The following ARHGEF3 variants were observed in gnomAD, a reference collection of about 807,000 sequenced individuals.
The protein encoded by ARHGEF3 is Rho guanine nucleotide exchange factor 3.
In ARHGEF3, 28 loss-of-function variants were observed where a neutral mutation model predicts 63.2. The ratio of observed to expected loss-of-function variants is 0.44; its 90% confidence interval spans 0.33 to 0.61. The LOEUF (loss-of-function observed/expected upper bound fraction) is 0.61. Among genes scored for constraint, ARHGEF3 ranks in the 20% least tolerant of loss-of-function variants. The pLI is 0.03. For missense variants in ARHGEF3, 533 were observed against 659.3 expected (o/e 0.81, Z 2.10); for synonymous variants, 266 against 254.2 (o/e 1.05, Z -0.44).
At chr3:56,730,747 G>A (rs1256318106) in intron 9 of ARHGEF3, among the ~76,000 whole-genome samples, 1 of 152,168 alleles carries the variant, frequency 6.6e-6, no homozygotes, top group Non-Finnish European at 1.5e-5. Context: ...GCAATGCTTG[G>A]TTCACAGAAG....
intron 2 of ARHGEF3, chr3:57,007,471 C>T: frequency 1.1e-6 from 1 of 888,646 alleles, no homozygotes; most frequent in Non-Finnish European, 1.5e-6. Flanking sequence ...AACAGGCAGG[C>T]ATCTTGGTTT....
intron 4 of ARHGEF3, among the ~76,000 whole-genome samples, chr3:56,861,662 G>A (rs986485743): frequency 6.6e-6 from 1 of 152,066 alleles, no homozygotes; most frequent in Non-Finnish European, 1.5e-5. Flanking sequence ...GGGGACTGAG[G>A]GCTGGGGTCG....
chr3:56,994,950 G>A (rs1021417299), intron 2 of ARHGEF3, among the ~76,000 whole-genome samples: 2 of 152,102 alleles, frequency 1.3e-5, no homozygotes, highest in East Asian at 1.9e-4. Flanking sequence ...AGTGTGGCAC[G>A]TCCCCCCTCA....
chr3:57,059,297 T>G (rs781590427), intron 1 of ARHGEF3, among the ~76,000 whole-genome samples: 25 of 152,034 alleles, frequency 1.6e-4, no homozygotes, highest in Admixed American at 6.6e-5. Flanking sequence ...GGGTGTCCAA[T>G]TTTTTGGCTT....
At chr3:56,879,568 T>C (rs180891403) in intron 4 of ARHGEF3, among the ~76,000 whole-genome samples, 117 of 152,130 alleles carry the variant, frequency 7.7e-4, no homozygotes, top group African/African-American at 2.5e-3. Context: ...ACTTATTAAA[T>C]GGAATAAAAA....
At position 57,064,118 on chromosome 3, in the gene ARHGEF3, A is replaced by C. The variant is rs545273714; in HGVS notation, c.-28+15108T>G. Among the ~76,000 whole-genome samples the C allele has an allele frequency of 8.2e-4, 124 of 152,088 alleles. 1 individual carries two copies. The Middle Eastern group carries it at 0.014, about 17-fold the overall frequency. On this transcript the variant is annotated intron_variant, in intron 1 of 12. Transcript: ENST00000338458. ...CCTGTCTCTACCAAAAATACAAAAA[A>C]ATTAATTGGGCATAGTGGTGCATGC...
At chr3:57,042,686 A>ATTTTTTTTT (rs1560156239) in intron 1 of ARHGEF3, among the ~76,000 whole-genome samples, 1 of 7,660 alleles carries the variant, frequency 1.3e-4, no homozygotes, top group South Asian at 5.2e-3. Context: ...ATATATATAT[A>ATTTTTTTTT]TATATATATA....
At chr3:56,837,542 C>A (rs377432225) in intron 4 of ARHGEF3, among the ~76,000 whole-genome samples, 1 of 152,084 alleles carries the variant, frequency 6.6e-6, no homozygotes, top group Non-Finnish European at 1.5e-5. Context: ...TTGAAGAGGA[C>A]GATTATTCAA....
intron 1 of ARHGEF3, 72 bp downstream of exon 1, chr3:56,801,631 G>A (rs1414278476): frequency 3.3e-6 from 5 of 1,518,328 alleles, no homozygotes; most frequent in Non-Finnish European, 3.5e-6. Flanking sequence ...GACGGGCGCC[G>A]AGAATGGGAG....
At chr3:56,813,945 T>C (rs1173187402) in intron 4 of ARHGEF3, among the ~76,000 whole-genome samples, 1 of 152,122 alleles carries the variant, frequency 6.6e-6, no homozygotes, top group East Asian at 1.9e-4. Context: ...CTCCTACCTG[T>C]CCTGAAGTGG....
intron 4 of ARHGEF3, among the ~76,000 whole-genome samples, chr3:56,814,275 C>T (rs1047385400): frequency 4.6e-5 from 7 of 152,164 alleles, no homozygotes; most frequent in African/African-American, 1.4e-4. Context: ...TGTAAACTTT[C>T]GTAAAACGTT....
chr3:56,729,943 T>C (rs909636824), intron 9 of ARHGEF3, among the ~76,000 whole-genome samples: 18 of 150,570 alleles, frequency 1.2e-4, no homozygotes, highest in Non-Finnish European at 2.1e-4. Context: ...ACAAAATCCC[T>C]TGGGGTGAGA....
intron 4 of ARHGEF3, among the ~76,000 whole-genome samples, chr3:56,813,425 A>G (rs750754384): frequency 6.6e-6 from 1 of 152,192 alleles, no homozygotes; most frequent in African/African-American, 2.4e-5. Flanking sequence ...AATTCTGCAG[A>G]CTGCCTCAGT....
At chr3:56,895,472 AT>A (rs11323819) in intron 3 of ARHGEF3, among the ~76,000 whole-genome samples, 23,944 of 77,256 alleles carry the variant, frequency 0.31, 2,161 homozygotes, top group African/African-American at 0.44. Flanking sequence ...TTATTTATTT[AT>A]TTTTTTTTGA....
chr3:56,759,378 CCA>C (rs2035286474), intron 2 of ARHGEF3, among the ~76,000 whole-genome samples: 1 of 152,022 alleles, frequency 6.6e-6, no homozygotes, highest in Non-Finnish European at 1.5e-5. Flanking sequence ...TGGGGTTTCA[CCA>C]TGTTGGTCTC....
At chr3:56,986,542 A>G (rs1296491739) in intron 2 of ARHGEF3, among the ~76,000 whole-genome samples, 2 of 152,230 alleles carry the variant, frequency 1.3e-5, no homozygotes, top group East Asian at 3.9e-4. Context: ...CGGAAGCAAC[A>G]GCCCTGGGGA....
chr3:56,837,998 C>T (rs576975592), intron 4 of ARHGEF3, among the ~76,000 whole-genome samples: 60 of 152,234 alleles, frequency 3.9e-4, no homozygotes, highest in African/African-American at 1.3e-3. Context: ...GGAATACAGC[C>T]TCTTGGATGT....
chr3:56,775,061 A>G (rs1258712329), intron 1 of ARHGEF3: 2 of 1,551,400 alleles, frequency 1.3e-6, no homozygotes, highest in Non-Finnish European at 1.7e-6. Context: ...GAAGATACCA[A>G]ATTTTGATGG....
At chr3:56,994,309 T>G (rs1008880612) in intron 2 of ARHGEF3, among the ~76,000 whole-genome samples, 2 of 152,062 alleles carry the variant, frequency 1.3e-5, no homozygotes, top group Admixed American at 6.5e-5. Flanking sequence ...GAAGCTCTAG[T>G]ACTAAAAGGC....
Sources: gnomAD v4.1 joint callset for allele counts (sites outside exome capture counted in the v4.1 genomes callset) on GRCh38, gnomAD v4.1.1 for gene constraint, MANE v1.5 for transcripts, NCBI Gene and HGNC (gene_info 2026-07-23, HGNC 2026-07-21) for gene names.